The following GPHN variants were observed in gnomAD, a reference collection of about 807,000 sequenced individuals.
The protein encoded by GPHN is gephyrin.
GPHN carries 17 observed loss-of-function variants against 95.5 expected under a neutral mutation model. That is an observed-to-expected ratio of 0.18 (90% CI 0.12 to 0.27). GPHN has a LOEUF of 0.27. Ranked by LOEUF, GPHN falls within the 10% of genes least tolerant of loss-of-function variation. GPHN has a pLI of 1.00. For synonymous variants in GPHN, 320 were observed against 322.5 expected, an observed-to-expected ratio of 0.99 and a Z score of 0.08; for missense variants, 660 against 978.1, an observed-to-expected ratio of 0.67 and a Z score of 4.34.
the GPHN span, chr14:67,488,400 C>T: frequency 1.3e-5 from 2 of 152,444 alleles, no homozygotes; most frequent in African/African-American, 4.8e-5. Flanking sequence ...CCCCCGGGGC[C>T]TCTGCACTGA....
chr14:67,118,673 A>G (rs1179313008), intron 16 of GPHN, among the ~76,000 whole-genome samples: 1 of 151,790 alleles, frequency 6.6e-6, no homozygotes, highest in Non-Finnish European at 1.5e-5. Flanking sequence ...GCTTGCAGTG[A>G]GCCGAGATCG....
chr14:67,603,767 T>C, the GPHN span, among the ~76,000 whole-genome samples: 1 of 152,228 alleles, frequency 6.6e-6, no homozygotes, highest in South Asian at 2.1e-4. Context: ...AACCTCCGCA[T>C]TCCAGGTTCA....
intron 1 of GPHN, among the ~76,000 whole-genome samples, chr14:66,591,883 T>C (rs2061663863): frequency 6.6e-6 from 1 of 152,182 alleles, no homozygotes; most frequent in African/African-American, 2.4e-5. Flanking sequence ...GCTGGAGGCA[T>C]CATGCTACCT....
At chr14:67,690,291 G>C in the GPHN span, 3 of 1,614,050 alleles carry the variant, frequency 1.9e-6, no homozygotes, top group Non-Finnish European at 2.5e-6. Flanking sequence ...CTGCATTGTA[G>C]AATTTCTCGC....
At chr14:66,557,173 C>T (rs1206873818) in intron 1 of GPHN, among the ~76,000 whole-genome samples, 1 of 151,906 alleles carries the variant, frequency 6.6e-6, no homozygotes, top group Non-Finnish European at 1.5e-5. Context: ...GGCCACTGTA[C>T]TCCAGCCTGG....
At chr14:66,908,708 T>C (rs2065513616) in intron 5 of GPHN, among the ~76,000 whole-genome samples, 1 of 152,036 alleles carries the variant, frequency 6.6e-6, no homozygotes, top group South Asian at 2.1e-4. Context: ...CAACATTCAT[T>C]AGTCAGATTG....
intron 2 of GPHN, among the ~76,000 whole-genome samples, chr14:66,689,320 C>G (rs373625985): frequency 6.6e-6 from 1 of 152,076 alleles, no homozygotes; most frequent in Admixed American, 6.6e-5. Flanking sequence ...TCCTTCATTC[C>G]ATTGATGTGA....
chr14:67,095,966 CAA>C, intron 12 of GPHN, among the ~76,000 whole-genome samples: 2,429 of 67,044 alleles, frequency 0.036, 71 homozygotes, highest in East Asian at 0.21. Flanking sequence ...AAGAAAAAGG[CAA>C]AAAAAAAAAA....
the GPHN span, chr14:67,600,174 G>A: frequency 1.3e-6 from 2 of 1,589,684 alleles, no homozygotes; most frequent in Admixed American, 1.8e-5. Flanking sequence ...GGCCGCCGCA[G>A]ATATCCGAAA....
intron 10 of GPHN, among the ~76,000 whole-genome samples, chr14:67,045,555 CTG>C (rs2074968073): frequency 6.6e-6 from 1 of 151,670 alleles, no homozygotes; most frequent in Admixed American, 6.6e-5. Flanking sequence ...GTGTCTCTCT[CTG>C]TCTCTCTGTC....
the GPHN span, among the ~76,000 whole-genome samples, chr14:67,597,555 T>C: frequency 6.6e-6 from 1 of 152,130 alleles, no homozygotes; most frequent in East Asian, 1.9e-4. Context: ...TGTTGATTGA[T>C]GAATGGAGGA....
the GPHN span, among the ~76,000 whole-genome samples, chr14:67,601,027 A>G: frequency 6.6e-6 from 1 of 152,240 alleles, no homozygotes; most frequent in Non-Finnish European, 1.5e-5. Flanking sequence ...GCAGTGAACG[A>G]TGTTGATGAC....
chr14:67,405,179 G>A, the GPHN span, among the ~76,000 whole-genome samples: 1 of 137,954 alleles, frequency 7.2e-6, no homozygotes, highest in African/African-American at 2.8e-5. Context: ...GTTGCAGTGA[G>A]CCAAGATTGA....
the GPHN span, chr14:67,333,897 G>A: frequency 6.6e-6 from 1 of 152,524 alleles, no homozygotes; most frequent in African/African-American, 2.4e-5. Context: ...GCATTTTTAT[G>A]TATGAGCACA....
At chr14:67,009,657 C>T (rs766690533) in intron 9 of GPHN, among the ~76,000 whole-genome samples, 7 of 152,026 alleles carry the variant, frequency 4.6e-5, no homozygotes, top group Non-Finnish European at 1.0e-4. Context: ...TTGAGTAAAA[C>T]TGATTTGAAC....
At chr14:67,523,793 C>T in the GPHN span, among the ~76,000 whole-genome samples, 1 of 152,188 alleles carries the variant, frequency 6.6e-6, no homozygotes. Context: ...TTAGGTCCCT[C>T]AGCAAAGAAC....
At chr14:66,599,109 T>C (rs1303457310) in intron 1 of GPHN, among the ~76,000 whole-genome samples, 1 of 152,118 alleles carries the variant, frequency 6.6e-6, no homozygotes. Flanking sequence ...TTTTTTTCCA[T>C]ACTTGAAAGA....
At chr14:67,414,804 C>T in the GPHN span, among the ~76,000 whole-genome samples, 82 of 152,296 alleles carry the variant, frequency 5.4e-4, no homozygotes, top group African/African-American at 9.4e-4. Context: ...TTGAGTTTAC[C>T]GGAATCACAG....
intron 3 of GPHN, among the ~76,000 whole-genome samples, chr14:66,788,748 C>T (rs1595904071): frequency 6.6e-6 from 1 of 152,160 alleles, no homozygotes; most frequent in African/African-American, 2.4e-5. Context: ...CCTCCAACCC[C>T]CAGGTTCAAG....
Sources: allele counts gnomAD v4.1 joint callset (sites outside exome capture counted in the v4.1 genomes callset), GRCh38; gene constraint gnomAD v4.1.1; transcripts MANE v1.5; gene names NCBI Gene and HGNC (gene_info 2026-07-23, HGNC 2026-07-21).